Variants in PITPNM3 observed in about 807,000 individuals in gnomAD.
PITPNM3 encodes membrane-associated phosphatidylinositol transfer protein 3.
PITPNM3 carries 26 observed loss-of-function variants against 102.0 expected under a neutral mutation model. The ratio of observed to expected loss-of-function variants is 0.25; its 90% CI spans 0.19 to 0.35. PITPNM3 has a LOEUF of 0.35. Ranked by LOEUF, PITPNM3 falls within the 10% of genes least tolerant of loss-of-function variation. The pLI, the probability that PITPNM3 is intolerant of heterozygous loss-of-function variation, is 1.00. For missense variants in PITPNM3, 1,083 were observed against 1,346.1 expected, an observed-to-expected ratio of 0.80 and a Z score of 3.06; for synonymous variants, 578 against 558.6, an observed-to-expected ratio of 1.03 and a Z score of -0.49.
rs1172973552 is a variant in PITPNM3 at position 6,455,615 on chromosome 17, A to C, written c.2648T>G (p.Leu883Arg). Reference protein sequence around the residue: ...QFLSEGYAAHLAALEASHRSR... With the variant: ...QFLSEGYAAHRAALEASHRSR... The stretch of plus-strand genomic sequence containing the variant: ...GCGGTGGCTGGCCTCCAGCGCGGCC[A>C]GGTGTGCGGCGTAGCCCTCGCTCAG... Residue 883 changes from leucine to arginine, a missense_variant, in exon 20 of 20, where the codon CTG (leucine) becomes CGG (arginine). Transcript: ENST00000262483. The C allele has an allele frequency of 6.9e-7, 1 of 1,444,798 alleles. No homozygotes were observed. The highest frequency in any genetic ancestry group is 9.2e-7 in the Non-Finnish European group (1 of 1,085,824). 89.5% of individuals were successfully genotyped at this position (1,444,798 alleles called of 1,614,324 possible).
At chr17:6,518,043 G>A (rs1293791886) in intron 3 of PITPNM3, among the ~76,000 whole-genome samples, 8 of 152,000 alleles carry the variant, frequency 5.3e-5, no homozygotes, top group African/African-American at 1.5e-4. Flanking sequence ...TATAGATAAT[G>A]TATATATTTT....
At position 6,461,509 on chromosome 17, in the gene PITPNM3, G is replaced by A. The variant is rs748884834; in HGVS notation, c.2354C>T (p.Pro785Leu). The change falls in exon 18 of 20, where the codon CCG (proline) becomes CTG (leucine). Residue 785 changes from proline to leucine, a missense_variant. Pro to Leu is a moderately conservative substitution (Grantham distance 98, BLOSUM62 -3). Transcript: ENST00000262483. ...CACCACCCGCTGCTTCTGCATGTCC[G>A]GCCGTCCCGTGATGTAAAGGATCAT... ...GYMILYITGR[P>L]DMQKQRVVSW... 5.0e-6 allele frequency: 8 copies of A among 1,614,222 alleles called. No homozygotes were observed. Among genetic ancestry groups the A allele is most frequent in the East Asian group, 2.2e-5 (1 of 44,882 alleles).
intron 14 of PITPNM3, among the ~76,000 whole-genome samples, chr17:6,467,354 G>A (rs536877014): frequency 2.6e-5 from 4 of 152,344 alleles, no homozygotes; most frequent in African/African-American, 9.6e-5. Context: ...CCTGGGGCAA[G>A]TGAGGGAGTG....
chr17:6,477,270 G>T, intron 8 of PITPNM3, 57 bp from the exon 9 acceptor site: 1 of 1,562,602 alleles, frequency 6.4e-7, no homozygotes, highest in South Asian at 1.1e-5. Context: ...GGAGACTCTG[G>T]GGCCTTGTCT....
chr17:6,507,420 C>G (rs1194394224), intron 3 of PITPNM3, among the ~76,000 whole-genome samples: 2 of 142,200 alleles, frequency 1.4e-5, no homozygotes, highest in African/African-American at 5.0e-5. Context: ...CCCGTCTCTA[C>G]TAAAAATACA....
intron 3 of PITPNM3, among the ~76,000 whole-genome samples, chr17:6,510,118 C>A (rs961230685): frequency 6.6e-6 from 1 of 152,140 alleles, no homozygotes. Context: ...TATGTTACAT[C>A]GATTGATTTT....
At chr17:6,466,613 G>A (rs546841429) in intron 14 of PITPNM3, among the ~76,000 whole-genome samples, 105 of 152,290 alleles carry the variant, frequency 6.9e-4, no homozygotes, top group Admixed American at 1.3e-3. Context: ...CTGAAGATGC[G>A]GAGAAATCAG....
rs373697061 is a variant in PITPNM3, at chr17:6,519,767, T to C, written c.226+5589A>G. Among the ~76,000 whole-genome samples the C allele has an allele frequency of 1.1e-4, 16 of 151,802 alleles. No individual in the cohort carries two copies. In the East Asian group the frequency reaches 1.5e-3, roughly 15 times the overall value. On this transcript the variant is annotated intron_variant, in intron 3 of 19. Coordinates refer to ENST00000262483, the MANE Select transcript of PITPNM3 (RefSeq NM_031220.4). The stretch of plus-strand genomic sequence containing the variant: ...ATCACTTGAACCCAGGAGGCAGAGG[T>C]TGCAGTGAGCCAAGATCACACCACT...
chr17:6,522,216 G>C (rs569495876), intron 3 of PITPNM3, among the ~76,000 whole-genome samples: 1 of 151,922 alleles, frequency 6.6e-6, no homozygotes, highest in Non-Finnish European at 1.5e-5. Flanking sequence ...AGAAAAGAGA[G>C]GTATGTGTGA....
chr17:6,485,538 C>G (rs1371003091), intron 4 of PITPNM3, among the ~76,000 whole-genome samples: 3 of 151,828 alleles, frequency 2.0e-5, no homozygotes, highest in Non-Finnish European at 4.4e-5. Flanking sequence ...TGGATACATA[C>G]TTAAAAAAAA....
intron 3 of PITPNM3, among the ~76,000 whole-genome samples, chr17:6,516,809 C>G (rs1567684532): frequency 6.6e-6 from 1 of 151,978 alleles, no homozygotes; most frequent in Admixed American, 6.5e-5. Flanking sequence ...GTGGGCTGAT[C>G]ACTTGAGGCC....
intron 1 of PITPNM3, among the ~76,000 whole-genome samples, chr17:6,548,928 G>T (rs760684146): frequency 6.6e-6 from 1 of 152,088 alleles, no homozygotes; most frequent in African/African-American, 2.4e-5. Context: ...GCTAACAGAC[G>T]GTTACTTCCC....
intron 3 of PITPNM3, among the ~76,000 whole-genome samples, chr17:6,511,291 C>A (rs534728396): frequency 6.6e-6 from 1 of 152,170 alleles, no homozygotes; most frequent in African/African-American, 2.4e-5. Context: ...TTAGAAGTGT[C>A]GTGGTAGGAT....
In PITPNM3 at chr17:6,467,082, A is replaced by C. The variant is rs201879224; in HGVS notation, c.1890+1143T>G. On this transcript the variant is annotated intron_variant, in intron 14 of 19. Transcript: ENST00000262483. ...CGTCTCAAAACAAAAAAAAAAAACC[A>C]AAAAAAAAAAACAGGTGAAAACAAC... Among the ~76,000 whole-genome samples the C allele has an allele frequency of 0.016, 1,951 of 122,832 alleles. 87 individuals are homozygous for C. In the East Asian group the frequency reaches 0.17, roughly 11 times the overall value. The allele number at this position is 122,832 out of a possible 152,430, so 80.6% of individuals were successfully genotyped here. A position where few individuals can be genotyped will look rare whatever the true frequency, so the allele number is the denominator to read the frequency against.
intron 3 of PITPNM3, among the ~76,000 whole-genome samples, chr17:6,508,378 T>A (rs1418925402): frequency 6.6e-6 from 1 of 152,190 alleles, no homozygotes; most frequent in Non-Finnish European, 1.5e-5. Context: ...CTGCTGAGCC[T>A]CAGCGAGGTA....
chr17:6,514,451 T>C (rs145722371), intron 3 of PITPNM3, among the ~76,000 whole-genome samples: 1 of 152,284 alleles, frequency 6.6e-6, no homozygotes, highest in African/African-American at 2.4e-5. Flanking sequence ...AGGATTTCAG[T>C]AGACATTTCC....
chr17:6,482,944 C>T (rs74251897), intron 6 of PITPNM3, among the ~76,000 whole-genome samples: 7,883 of 151,302 alleles, frequency 0.052, 496 homozygotes, highest in East Asian at 0.16. Context: ...CTCAACACTC[C>T]GTGTCTTTTT....
At chr17:6,490,010 A>G (rs1906355374) in intron 4 of PITPNM3, among the ~76,000 whole-genome samples, 1 of 151,606 alleles carries the variant, frequency 6.6e-6, no homozygotes, top group African/African-American at 2.4e-5. Flanking sequence ...CCATCTCAAA[A>G]AAAAAAATAA....
At chr17:6,491,653 G>A (rs950031784) in intron 4 of PITPNM3, among the ~76,000 whole-genome samples, 2 of 152,030 alleles carry the variant, frequency 1.3e-5, no homozygotes, top group African/African-American at 4.8e-5. Context: ...CCAGACTGCA[G>A]GCCACCCTCC....
Sources: allele counts gnomAD v4.1 joint callset (sites outside exome capture counted in the v4.1 genomes callset), GRCh38; gene constraint gnomAD v4.1.1; transcripts MANE v1.5; gene names NCBI Gene and HGNC (gene_info 2026-07-23, HGNC 2026-07-21).